The following OPCML variants were observed in gnomAD, a reference collection of about 807,000 sequenced individuals.
OPCML encodes opioid binding protein/cell adhesion molecule like, also known as opioid-binding protein/cell adhesion molecule.
A neutral mutation model predicts 37.8 loss-of-function variants in OPCML; 13 were observed. That is an observed-to-expected ratio of 0.34 (90% CI 0.22 to 0.55). The LOEUF is 0.55. Among genes scored for constraint, OPCML ranks in the 20% least tolerant of loss-of-function variants. The pLI, the probability that OPCML is intolerant of heterozygous loss-of-function variation, is 0.91. For missense variants in OPCML, 341 were observed against 435.6 expected, an observed-to-expected ratio of 0.78 and a Z score of 1.93; for synonymous variants, 176 against 168.8, an observed-to-expected ratio of 1.04 and a Z score of -0.33.
intron 2 of OPCML, among the ~76,000 whole-genome samples, chr11:132,730,738 G>A (rs1399708949): frequency 6.6e-6 from 1 of 152,082 alleles, no homozygotes; most frequent in Non-Finnish European, 1.5e-5. Context: ...CAGGCACAAG[G>A]TGTGGACAGA....
At chr11:132,884,932 T>C (rs1943354488) in intron 2 of OPCML, among the ~76,000 whole-genome samples, 1 of 152,122 alleles carries the variant, frequency 6.6e-6, no homozygotes, top group African/African-American at 2.4e-5. Context: ...TACATAGAGG[T>C]GCACCTGATT....
intron 1 of OPCML, among the ~76,000 whole-genome samples, chr11:133,493,431 G>A (rs753357926): frequency 2.0e-5 from 3 of 152,232 alleles, no homozygotes; most frequent in Non-Finnish European, 4.4e-5. Flanking sequence ...TGGGTGCATA[G>A]CCTTCCCCCA....
intron 1 of OPCML, among the ~76,000 whole-genome samples, chr11:133,375,706 T>G (rs1198542899): frequency 1.3e-5 from 2 of 152,140 alleles, no homozygotes; most frequent in Non-Finnish European, 2.9e-5. Flanking sequence ...TAGCTTCAAT[T>G]AAACTTATTT....
At chr11:133,194,413 T>C (rs1565496455) in intron 1 of OPCML, among the ~76,000 whole-genome samples, 1 of 152,168 alleles carries the variant, frequency 6.6e-6, no homozygotes, top group Non-Finnish European at 1.5e-5. Context: ...TTTCTCCATG[T>C]TGGTCTGACT....
chr11:133,413,688 T>C (rs758754115), intron 1 of OPCML, among the ~76,000 whole-genome samples: 7 of 152,150 alleles, frequency 4.6e-5, no homozygotes, highest in Admixed American at 1.3e-4. Flanking sequence ...TCCCTCTCTT[T>C]GTCCTCCTTA....
At chr11:132,427,486 C>A (rs984315801) in intron 7 of OPCML, among the ~76,000 whole-genome samples, 1 of 152,176 alleles carries the variant, frequency 6.6e-6, no homozygotes, top group Non-Finnish European at 1.5e-5. Flanking sequence ...CAGCGGCAAA[C>A]GTGGCGCTGT....
intron 1 of OPCML, chr11:133,421,792 G>A (rs1366536255): frequency 5.1e-6 from 5 of 984,936 alleles, no homozygotes; most frequent in African/African-American, 1.7e-5. Flanking sequence ...AATTGCTTTC[G>A]AGTCTTCCAG....
At chr11:132,813,297 GA>G (rs1400099654) in intron 2 of OPCML, among the ~76,000 whole-genome samples, 2 of 152,176 alleles carry the variant, frequency 1.3e-5, no homozygotes, top group Non-Finnish European at 2.9e-5. Flanking sequence ...CAGCATTACT[GA>G]AGTCAGTCTT....
At chr11:132,680,060 G>C (rs949209768) in intron 2 of OPCML, among the ~76,000 whole-genome samples, 1 of 152,080 alleles carries the variant, frequency 6.6e-6, no homozygotes, top group African/African-American at 2.4e-5. Flanking sequence ...ATGTATTCCA[G>C]AATGTGCTCA....
chr11:132,517,344 C>T (rs1233270856), intron 4 of OPCML, among the ~76,000 whole-genome samples: 5 of 152,094 alleles, frequency 3.3e-5, no homozygotes, highest in African/African-American at 9.7e-5. Flanking sequence ...CAGAGCTGGA[C>T]CCAGAGGTCT....
intron 2 of OPCML, among the ~76,000 whole-genome samples, chr11:132,864,996 G>T (rs367839008): frequency 6.6e-6 from 1 of 152,248 alleles, no homozygotes. Context: ...CACAGAGGGC[G>T]ATAGAGCCGG....
intron 3 of OPCML, among the ~76,000 whole-genome samples, chr11:132,570,695 T>C (rs1166690362): frequency 2.1e-5 from 3 of 143,022 alleles, no homozygotes; most frequent in Non-Finnish European, 4.6e-5. Flanking sequence ...TATACATATG[T>C]GTGCATGAAA....
chr11:133,385,750 C>T (rs1945032840), intron 1 of OPCML, among the ~76,000 whole-genome samples: 1 of 152,112 alleles, frequency 6.6e-6, no homozygotes, highest in Admixed American at 6.5e-5. Flanking sequence ...CTCAAAATGC[C>T]AGATTCTAAC....
chr11:132,739,502 T>A (rs1363747582), intron 2 of OPCML, among the ~76,000 whole-genome samples: 2 of 152,204 alleles, frequency 1.3e-5, no homozygotes, highest in African/African-American at 4.8e-5. Flanking sequence ...CAGGCACCAA[T>A]CAACCAGCTA....
intron 3 of OPCML, among the ~76,000 whole-genome samples, chr11:132,631,319 T>C (rs1685923781): frequency 7.0e-6 from 1 of 142,514 alleles, no homozygotes; most frequent in African/African-American, 2.6e-5. Flanking sequence ...TAATAAATAC[T>C]TAAATGTTAA....
At position 132,954,509 on chromosome 11, in the gene OPCML, G is replaced by C. The variant is rs11827222; in HGVS notation, c.62-11499C>G. ...TGCCATGTGGCTTCTGATTTTGGCA[G>C]ATGAGTGAACAGCGTTGCCAGTCCC... On this transcript the variant is annotated intron_variant, in intron 1 of 7. Coordinates refer to ENST00000524381, the MANE Select transcript of OPCML (RefSeq NM_001012393.5). Among the ~76,000 whole-genome samples, 1,311 of 152,306 alleles carry C rather than the reference G, an allele frequency of 8.6e-3. 19 individuals carry two copies. Among genetic ancestry groups the C allele is most frequent in the African/African-American group, 0.03 (1,260 of 41,540 alleles).
At chr11:133,525,861 C>G (rs190291523) in intron 1 of OPCML, among the ~76,000 whole-genome samples, 1 of 152,230 alleles carries the variant, frequency 6.6e-6, no homozygotes, top group African/African-American at 2.4e-5. Context: ...TTCCAATCAA[C>G]GGCCTGTGTC....
chr11:133,389,451 T>A (rs1000627598), intron 1 of OPCML, among the ~76,000 whole-genome samples: 2 of 152,198 alleles, frequency 1.3e-5, no homozygotes, highest in African/African-American at 2.4e-5. Flanking sequence ...CTCTTTGAGC[T>A]CTTGTTTCCT....
chr11:133,428,829 T>C (rs1331537986), intron 1 of OPCML, among the ~76,000 whole-genome samples: 1 of 152,202 alleles, frequency 6.6e-6, no homozygotes, highest in Non-Finnish European at 1.5e-5. Context: ...TTTGGAAACA[T>C]GATGAAGTAC....
Sources: gnomAD v4.1 joint callset for allele counts (sites outside exome capture counted in the v4.1 genomes callset) on GRCh38, gnomAD v4.1.1 for gene constraint, MANE v1.5 for transcripts, NCBI Gene and HGNC (gene_info 2026-07-23, HGNC 2026-07-21) for gene names.